The following MACROD2 variants were observed in gnomAD, a reference collection of about 807,000 sequenced individuals.
MACROD2 encodes the protein mono-ADP ribosylhydrolase 2.
MACROD2 carries 36 observed loss-of-function variants against 70.4 expected under a neutral mutation model. The observed-to-expected ratio is 0.51, with a 90% CI of 0.39 to 0.68. MACROD2 has a LOEUF of 0.68. Among genes scored for constraint, MACROD2 ranks in the 30% least tolerant of loss-of-function variants. The pLI is 0.00. For missense variants in MACROD2, 496 were observed against 538.4 expected (o/e 0.92, Z 0.78); for synonymous variants, 172 against 178.8 (o/e 0.96, Z 0.30).
intron 5 of MACROD2, among the ~76,000 whole-genome samples, chr20:14,885,865 T>C (rs939983660): frequency 2.0e-5 from 3 of 152,236 alleles, no homozygotes; most frequent in East Asian, 1.9e-4. Flanking sequence ...AAGAATTTTA[T>C]GACCCTTCAT....
chr20:14,722,549 C>G (rs1346641633), intron 5 of MACROD2, among the ~76,000 whole-genome samples: 2 of 152,190 alleles, frequency 1.3e-5, no homozygotes, highest in Non-Finnish European at 2.9e-5. Context: ...ACTGGCACTT[C>G]CTGTGCTTTT....
chr20:14,674,948 A>G (rs1443783062), intron 4 of MACROD2, among the ~76,000 whole-genome samples: 1 of 152,226 alleles, frequency 6.6e-6, no homozygotes, highest in Non-Finnish European at 1.5e-5. Context: ...TTAAATAAAT[A>G]TGTGAAAATC....
chr20:15,083,683 A>G (rs77563136), intron 5 of MACROD2, among the ~76,000 whole-genome samples: 77 of 152,220 alleles, frequency 5.1e-4, no homozygotes, highest in African/African-American at 1.7e-3. Context: ...CATGTAGCAC[A>G]ATGAAACGCC....
intron 5 of MACROD2, among the ~76,000 whole-genome samples, chr20:15,106,127 C>T (rs532259217): frequency 5.3e-5 from 8 of 152,188 alleles, no homozygotes; most frequent in African/African-American, 1.9e-4. Context: ...TTTTAAAGTG[C>T]CATAGTCTGT....
rs549610891 is a variant in MACROD2, at chr20:15,312,007, G to A, written c.540+81946G>A. On this transcript the variant is annotated intron_variant, in intron 6 of 17. Transcript: ENST00000684519. ...GGAAAGTAATATTTTAGTAGCCAAAGAGAATATCATCAAATAATCTAAATA... is the reference window on the plus strand; with the variant it reads ...GGAAAGTAATATTTTAGTAGCCAAAAAGAATATCATCAAATAATCTAAATA... Among the ~76,000 whole-genome samples the A allele has an allele frequency of 6.6e-4, 101 of 152,168 alleles. 1 individual carries two copies. Among genetic ancestry groups the A allele is most frequent in the African/African-American group, 2.3e-3 (95 of 41,526 alleles).
At position 14,742,927 on chromosome 20, in the gene MACROD2, C is replaced by T. The variant is rs530479833; in HGVS notation, c.418+57968C>T. ...GTCTACAGGCGCCCGCCACTATGCC[C>T]GGCTAATTTTTTGTATTTTTAGTAG... On this transcript the variant is annotated intron_variant, in intron 5 of 17. Transcript: ENST00000684519. 5.2e-3 allele frequency among the ~76,000 whole-genome samples: 784 copies of T among 151,028 alleles called. 12 individuals carry two copies. Among genetic ancestry groups the T allele is most frequent in the African/African-American group, 0.018 (728 of 40,746 alleles).
Position 15,619,546 on chromosome 20 carries a change from G to A in MACROD2, c.645+119699G>A, listed in dbSNP as rs1374008988. 10 of 414,702 alleles carry A rather than the reference G, an allele frequency of 2.4e-5. No individual in the cohort carries two copies. The East Asian group carries it at 7.9e-4, about 33-fold the overall frequency. The allele number at this position is 414,702 out of a possible 1,614,324, so 25.7% of individuals were successfully genotyped here. On this transcript the variant is annotated intron_variant, in intron 8 of 17. Transcript: ENST00000684519. ...GGATTTTCTGGGCAGATCCTGTGTG[G>A]TGGGGATGTGGTCACCAGTCATCAG...
intron 3 of MACROD2, among the ~76,000 whole-genome samples, chr20:14,091,019 G>A (rs1012077132): frequency 1.3e-5 from 2 of 151,942 alleles, no homozygotes; most frequent in African/African-American, 4.8e-5. Flanking sequence ...TTTTTTTCAT[G>A]TACTTGTTGG....
chr20:14,854,341 A>G (rs2073230843), intron 5 of MACROD2, among the ~76,000 whole-genome samples: 1 of 152,244 alleles, frequency 6.6e-6, no homozygotes, highest in South Asian at 2.1e-4. Flanking sequence ...AAAAAATGGG[A>G]TCTGGGAGCC....
intron 3 of MACROD2, chr20:14,128,338 A>C (rs2054677233): frequency 6.2e-6 from 1 of 161,456 alleles, no homozygotes. Context: ...ATAAAATAAA[A>C]CAAAATGCCT....
chr20:15,771,408 C>T (rs1300534189), intron 8 of MACROD2, among the ~76,000 whole-genome samples: 3 of 150,210 alleles, frequency 2.0e-5, no homozygotes, highest in Admixed American at 6.6e-5. Flanking sequence ...GTCTCAAATT[C>T]CTGGGCTCAA....
At chr20:15,419,586 C>T (rs529943605) in intron 6 of MACROD2, among the ~76,000 whole-genome samples, 9 of 152,292 alleles carry the variant, frequency 5.9e-5, no homozygotes, top group Admixed American at 2.0e-4. Context: ...CCCAGGAGGC[C>T]CCCCTCTCAG....
chr20:14,370,912 TA>T (rs1454055135), intron 3 of MACROD2, among the ~76,000 whole-genome samples: 2 of 152,200 alleles, frequency 1.3e-5, no homozygotes, highest in Non-Finnish European at 2.9e-5. Flanking sequence ...ATGAAAATAC[TA>T]AAAATTAAAT....
intron 8 of MACROD2, among the ~76,000 whole-genome samples, chr20:15,680,823 TTGA>T (rs1263779103): frequency 6.6e-6 from 1 of 152,136 alleles, no homozygotes; most frequent in African/African-American, 2.4e-5. Context: ...ATAGAACATA[TTGA>T]TGATTTCAGA....
chr20:15,185,779 C>T (rs2076530751), intron 5 of MACROD2, among the ~76,000 whole-genome samples: 1 of 152,148 alleles, frequency 6.6e-6, no homozygotes, highest in Non-Finnish European at 1.5e-5. Context: ...TCAGAGTCGA[C>T]TAATCTGTTG....
intron 5 of MACROD2, among the ~76,000 whole-genome samples, chr20:15,030,658 T>G (rs1189478569): frequency 1.4e-5 from 2 of 148,038 alleles, no homozygotes; most frequent in Non-Finnish European, 2.9e-5. Flanking sequence ...AAAATATAGA[T>G]AGATAGACAG....
chr20:15,740,094 T>C (rs183970083), intron 8 of MACROD2, among the ~76,000 whole-genome samples: 20 of 152,296 alleles, frequency 1.3e-4, no homozygotes, highest in African/African-American at 4.1e-4. Flanking sequence ...ACACAATCCT[T>C]TGGGGTCTCA....
At chr20:14,408,037 A>G (rs2083710514) in intron 3 of MACROD2, among the ~76,000 whole-genome samples, 1 of 152,088 alleles carries the variant, frequency 6.6e-6, no homozygotes, top group Non-Finnish European at 1.5e-5. Context: ...GCATTTACTG[A>G]CTTTGTGACT....
rs1401647392 is a variant in MACROD2, at chr20:14,534,798, CAG to C, written c.301+41293_301+41294del. On this transcript the variant is annotated intron_variant, in intron 4 of 17. Transcript: ENST00000684519. ...TGAAATATATTGTTGTCCTTGGAGA[CAG>C]AGTCTAAAAATAGTTTTAAAATAAT... is the stretch of plus-strand genomic sequence containing the variant. Among the ~76,000 whole-genome samples the C allele has an allele frequency of 4.0e-5, 6 of 151,862 alleles. 1 individual carries two copies.
Sources: allele counts gnomAD v4.1 joint callset (sites outside exome capture counted in the v4.1 genomes callset), GRCh38; gene constraint gnomAD v4.1.1; transcripts MANE v1.5; gene names NCBI Gene and HGNC (gene_info 2026-07-23, HGNC 2026-07-21).